The following CSMD1 variants were observed in gnomAD, a reference collection of about 807,000 sequenced individuals.
The protein encoded by CSMD1 is CUB and sushi domain-containing protein 1.
Under a neutral mutation model 417.5 loss-of-function variants are expected in CSMD1, and 213 were observed. The observed-to-expected ratio is 0.51, with a 90% CI of 0.46 to 0.57. The LOEUF is 0.57. Among genes scored for constraint, CSMD1 ranks in the 20% least tolerant of loss-of-function variants. CSMD1 has a pLI of 0.00. For synonymous variants in CSMD1, 2,862 were observed against 1,736.8 expected (o/e 1.65, Z -16.11); for missense variants, 6,923 against 4,529.7 (o/e 1.53, Z -15.17).
intron 2 of CSMD1, among the ~76,000 whole-genome samples, chr8:4,540,515 G>A (rs1304328413): frequency 6.6e-6 from 1 of 152,122 alleles, no homozygotes; most frequent in African/African-American, 2.4e-5. Flanking sequence ...ACCAGCCTGG[G>A]CAACAGAGCG....
intron 2 of CSMD1, among the ~76,000 whole-genome samples, chr8:4,457,162 T>G (rs1311055330): frequency 6.6e-6 from 1 of 152,012 alleles, no homozygotes; most frequent in Non-Finnish European, 1.5e-5. Context: ...ATGATTTGGG[T>G]TTTACGGACC....
intron 11 of CSMD1, among the ~76,000 whole-genome samples, chr8:3,486,712 TC>T (rs1818055455): frequency 6.6e-6 from 1 of 152,202 alleles, no homozygotes; most frequent in Admixed American, 6.5e-5. Flanking sequence ...GGCTTCTTCT[TC>T]CCTGTAGGAA....
intron 5 of CSMD1, among the ~76,000 whole-genome samples, chr8:3,987,287 T>A (rs141724569): frequency 0.013 from 1,955 of 152,290 alleles, 21 homozygotes; most frequent in Non-Finnish European, 0.019. Context: ...CTGTAACATG[T>A]TCTGTGATGA....
chr8:4,466,795 T>C (rs1003703572), intron 2 of CSMD1, among the ~76,000 whole-genome samples: 3 of 152,050 alleles, frequency 2.0e-5, no homozygotes, highest in Admixed American at 6.6e-5. Flanking sequence ...CTGAAATCCA[T>C]AGAAAAATAA....
chr8:3,276,868 C>T (rs192008743), intron 26 of CSMD1, among the ~76,000 whole-genome samples: 15 of 152,198 alleles, frequency 9.9e-5, no homozygotes, highest in Admixed American at 9.2e-4. Context: ...ATGTCATGTT[C>T]TAGGAAAACA....
rs565365916 is a variant in CSMD1 at position 3,686,545 on chromosome 8, T to C, written c.1009+21869A>G. On this transcript the variant is annotated intron_variant, in intron 7 of 69. Transcript: ENST00000635120. The stretch of plus-strand genomic sequence containing the variant: ...CATTCTGTTCATTGAAAGCAGGAGA[T>C]AGAATTCCCATACGAAATATACTGT... Among the ~76,000 whole-genome samples, 130 of 152,306 alleles carry C rather than the reference T, an allele frequency of 8.5e-4. 1 individual carries two copies. Among genetic ancestry groups the C allele is most frequent in the Admixed American group, 2.7e-3 (42 of 15,290 alleles).
At chr8:4,459,007 G>A (rs1490119598) in intron 2 of CSMD1, among the ~76,000 whole-genome samples, 1 of 152,162 alleles carries the variant, frequency 6.6e-6, no homozygotes, top group Non-Finnish European at 1.5e-5. Flanking sequence ...TGTGCAGCTT[G>A]GGCCACAGCC....
At chr8:3,498,538 T>C (rs1351907824) in intron 10 of CSMD1, among the ~76,000 whole-genome samples, 2 of 152,206 alleles carry the variant, frequency 1.3e-5, no homozygotes, top group Non-Finnish European at 1.5e-5. Context: ...TGAATGCACA[T>C]ATTTCTCCAA....
chr8:4,697,188 A>T (rs988761560), intron 1 of CSMD1, among the ~76,000 whole-genome samples: 1 of 152,074 alleles, frequency 6.6e-6, no homozygotes, highest in African/African-American at 2.4e-5. Context: ...ATAATAATAA[A>T]AATAAAAAAA....
intron 3 of CSMD1, among the ~76,000 whole-genome samples, chr8:4,124,048 C>G (rs1466512470): frequency 6.6e-6 from 1 of 151,162 alleles, no homozygotes; most frequent in Non-Finnish European, 1.5e-5. Context: ...CATTCCGGAA[C>G]GACATTCCCA....
At chr8:4,005,477 C>A (rs77481099) in intron 4 of CSMD1, among the ~76,000 whole-genome samples, 1 of 152,150 alleles carries the variant, frequency 6.6e-6, no homozygotes. Flanking sequence ...GACATGAACA[C>A]TGAATTATCT....
intron 8 of CSMD1, among the ~76,000 whole-genome samples, chr8:3,590,015 G>T (rs540660272): frequency 6.6e-6 from 1 of 152,150 alleles, no homozygotes; most frequent in Admixed American, 6.5e-5. Context: ...GACTGTGCTT[G>T]ACTAAATTTT....
At chr8:4,647,948 G>A (rs756261486) in intron 1 of CSMD1, among the ~76,000 whole-genome samples, 8 of 152,150 alleles carry the variant, frequency 5.3e-5, no homozygotes, top group East Asian at 1.9e-4. Flanking sequence ...GGGATTGCTG[G>A]TCAAATGGTA....
At chr8:3,405,880 C>T (rs1190161095) in intron 15 of CSMD1, 147 bp downstream of exon 15, 3 of 667,434 alleles carry the variant, frequency 4.5e-6, no homozygotes, top group South Asian at 4.8e-5. Flanking sequence ...AACTGGGAGA[C>T]TGTACACTCC....
chr8:3,803,392 G>C (rs1267295705), intron 5 of CSMD1, among the ~76,000 whole-genome samples: 1 of 152,180 alleles, frequency 6.6e-6, no homozygotes, highest in Non-Finnish European at 1.5e-5. Flanking sequence ...ACCCACGCTG[G>C]AGAGGAAACA....
In CSMD1 at chr8:4,023,601, TC is replaced by T. The variant is rs11375330; in HGVS notation, c.610+8303del. ...TTTTCAACTTTTTTTTTTTTTTTTT[TC>T]CTGACACGGAGTCTCGCTCTGTCGC... On this transcript the variant is annotated intron_variant, in intron 4 of 69. Coordinates refer to ENST00000635120, the MANE Select transcript of CSMD1 (RefSeq NM_033225.6). 1.1e-4 allele frequency among the ~76,000 whole-genome samples: 16 copies of T among 141,050 alleles called. No individual in the cohort carries two copies. The East Asian group carries it at 2.1e-3, about 18-fold the overall frequency. The allele number at this position is 141,050 out of a possible 152,430, so 92.5% of individuals were successfully genotyped here. A position where few individuals can be genotyped will look rare whatever the true frequency, so the allele number is the denominator to read the frequency against.
At chr8:4,064,774 C>T (rs1273681996) in intron 3 of CSMD1, among the ~76,000 whole-genome samples, 3 of 152,132 alleles carry the variant, frequency 2.0e-5, no homozygotes, top group African/African-American at 4.8e-5. Context: ...CAATCCAGTC[C>T]ATTTAGAAAC....
At chr8:4,073,232 T>C (rs918083474) in intron 3 of CSMD1, among the ~76,000 whole-genome samples, 78 of 152,160 alleles carry the variant, frequency 5.1e-4, no homozygotes, top group African/African-American at 1.8e-3. Context: ...TAAAAAGCAA[T>C]AGGTGCATTA....
chr8:3,299,998 T>C (rs920077122), intron 25 of CSMD1, among the ~76,000 whole-genome samples: 5 of 152,130 alleles, frequency 3.3e-5, no homozygotes, highest in African/African-American at 4.8e-5. Context: ...AAAAGTGCCC[T>C]GGAGGTGACA....
Sources: gnomAD v4.1 joint callset for allele counts (sites outside exome capture counted in the v4.1 genomes callset) on GRCh38, gnomAD v4.1.1 for gene constraint, MANE v1.5 for transcripts, NCBI Gene and HGNC (gene_info 2026-07-23, HGNC 2026-07-21) for gene names.